DERA: variants seen among roughly 807,000 people sequenced by gnomAD.
DERA encodes 2-deoxy-D-ribose 5-phosphate aldolase.
In DERA, 15 loss-of-function variants were observed where a neutral mutation model predicts 41.1. The observed-to-expected ratio is 0.37, with a 90% CI of 0.24 to 0.56. DERA has a LOEUF of 0.56. Among genes scored for constraint, DERA ranks in the 20% least tolerant of loss-of-function variants. DERA has a pLI of 0.81. For synonymous variants in DERA, 139 were observed against 137.4 expected (o/e 1.01, Z -0.08); for missense variants, 396 against 403.4 (o/e 0.98, Z 0.16).
chr12:15,915,334 A>T lies in DERA; in HGVS notation c.31+3920A>T, dbSNP rs1229734843. Reference sequence around the variant, plus strand: ...GAACCTATGAATTAGGGATTTAGGGAGCTCATTTTTGGCATTCCTGCTAAA... The same window carrying T: ...GAACCTATGAATTAGGGATTTAGGGTGCTCATTTTTGGCATTCCTGCTAAA... On this transcript the variant is annotated intron_variant, in intron 1 of 8. Coordinates refer to ENST00000428559, the MANE Select transcript of DERA (RefSeq NM_015954.4). The surrounding 1 kb of genome is among the most constrained non-coding windows in gnomAD (Gnocchi z 4.8). Among the ~76,000 whole-genome samples, 2 of 152,124 alleles carry T rather than the reference A, an allele frequency of 1.3e-5. No homozygotes were observed. The highest frequency in any genetic ancestry group is 4.1e-4 in the South Asian group (2 of 4,826).
rs1948754901 is a variant in DERA at position 15,984,983 on chromosome 12, T to A, written c.637+2547T>A. Among the ~76,000 whole-genome samples, 1 of 152,230 alleles carries A rather than the reference T, an allele frequency of 6.6e-6. No homozygotes were observed. Among genetic ancestry groups the A allele is most frequent in the Admixed American group, 6.5e-5 (1 of 15,284 alleles). On this transcript the variant is annotated intron_variant, in intron 6 of 8. Coordinates refer to ENST00000428559, the MANE Select transcript of DERA (RefSeq NM_015954.4). The surrounding 1 kb of genome is among the most constrained non-coding windows in gnomAD (Gnocchi z 4.5). Reference sequence around the variant, plus strand: ...GTGGTATAAAAAATTTTTTCTTAAATCAATTTCATTGAGGCAGATTTGCAT... The same window carrying A: ...GTGGTATAAAAAATTTTTTCTTAAAACAATTTCATTGAGGCAGATTTGCAT...
In DERA at chr12:15,988,581, G is replaced by A. The variant is rs1047582997; in HGVS notation, c.637+6145G>A. Among the ~76,000 whole-genome samples, 1 of 152,080 alleles carries A rather than the reference G, an allele frequency of 6.6e-6. No homozygotes were observed. Reference sequence around the variant, plus strand: ...AGTGCATGCTGATTGGTCCATGGGCGGCCATGGATGGGCCTGGAAAAAGCA... The same window carrying A: ...AGTGCATGCTGATTGGTCCATGGGCAGCCATGGATGGGCCTGGAAAAAGCA... On this transcript the variant is annotated intron_variant, in intron 6 of 8. Coordinates refer to ENST00000428559, the MANE Select transcript of DERA (RefSeq NM_015954.4). The surrounding 1 kb of genome is among the most constrained non-coding windows in gnomAD (Gnocchi z 6.0).
intron 5 of DERA, among the ~76,000 whole-genome samples, chr12:15,980,838 C>T (rs1264336356): frequency 1.3e-5 from 2 of 152,180 alleles, no homozygotes; most frequent in Non-Finnish European, 2.9e-5. Context: ...TTTTTCACTT[C>T]TGAGCTTCAA....
intron 6 of DERA, among the ~76,000 whole-genome samples, chr12:16,005,214 T>C (rs1948901028): frequency 6.6e-6 from 1 of 151,826 alleles, no homozygotes; most frequent in Non-Finnish European, 1.5e-5. Flanking sequence ...GAGGCTGAGG[T>C]GGGAGGATCG....
Position 15,976,424 on chromosome 12 carries a change from T to C in DERA, c.509-5884T>C, listed in dbSNP as rs145064368. On this transcript the variant is annotated intron_variant, in intron 5 of 8. Transcript: ENST00000428559. The surrounding 1 kb of genome is among the most constrained non-coding windows in gnomAD (Gnocchi z 4.1). ...CGTCCCCCTCACCTCGCCTCCATCATGTTGCCATGATGTAGCAACATGCAG... is the reference window on the plus strand; with the variant it reads ...CGTCCCCCTCACCTCGCCTCCATCACGTTGCCATGATGTAGCAACATGCAG... 0.016 allele frequency among the ~76,000 whole-genome samples: 2,397 copies of C among 152,220 alleles called. 157 individuals carry two copies. Among genetic ancestry groups the C allele is most frequent in the Admixed American group, 0.12 (1,759 of 15,288 alleles).
At chr12:15,948,034 A>G (rs1490595136) in intron 1 of DERA, among the ~76,000 whole-genome samples, 1 of 152,214 alleles carries the variant, frequency 6.6e-6, no homozygotes, top group Non-Finnish European at 1.5e-5. Context: ...ATTGGCCCCC[A>G]TTCTCTTCAG....
chr12:15,963,592 C>A (rs900425624), intron 5 of DERA, among the ~76,000 whole-genome samples: 1 of 151,932 alleles, frequency 6.6e-6, no homozygotes, highest in African/African-American at 2.4e-5. Context: ...ATTTTGTGTA[C>A]TAAAGATGAG....
In DERA at chr12:15,960,951, T is replaced by G. The variant is rs139054239; in HGVS notation, c.373+1027T>G. Among the ~76,000 whole-genome samples the G allele has an allele frequency of 1.3e-3, 191 of 151,924 alleles. 1 individual carries two copies. Among genetic ancestry groups the G allele is most frequent in the African/African-American group, 4.5e-3 (188 of 41,428 alleles). On this transcript the variant is annotated intron_variant, in intron 4 of 8. Coordinates refer to ENST00000428559, the MANE Select transcript of DERA (RefSeq NM_015954.4). ...CAGGGCAAAGGGGGAGATACAGGAG[T>G]TGAAGCTAGAGAGGGAGATCAGGGC...
At position 15,928,053 on chromosome 12, in the gene DERA, T is replaced by C. The variant is rs1171051194; in HGVS notation, c.31+16639T>C. 6.6e-6 allele frequency among the ~76,000 whole-genome samples: 1 copy of C among 152,242 alleles called. No homozygotes were observed. The highest frequency in any genetic ancestry group is 2.4e-5 in the African/African-American group (1 of 41,464). ...AATTATCTATTTAGGGGATACAATG[T>C]AATATTTTGATACATGTATACAATG... On this transcript the variant is annotated intron_variant, in intron 1 of 8. Coordinates refer to ENST00000428559, the MANE Select transcript of DERA (RefSeq NM_015954.4). The surrounding 1 kb of genome is among the most constrained non-coding windows in gnomAD (Gnocchi z 4.6).
rs11838283 is a variant in DERA at position 15,998,394 on chromosome 12, G to A, written c.637+15958G>A. On this transcript the variant is annotated intron_variant, in intron 6 of 8. Transcript: ENST00000428559. This position sits in a 1 kb window ranked among gnomAD's most constrained non-coding sequence, Gnocchi z 4.8. ...GTGCAATGGCCGGATCTTGGCTCAC[G>A]GCAACCTCCGCCTTCCGGGTTCAAG... is the stretch of plus-strand genomic sequence containing the variant. Among the ~76,000 whole-genome samples, 9,913 of 151,900 alleles carry A rather than the reference G, an allele frequency of 0.065. 1,040 individuals carry two copies. The highest frequency in any genetic ancestry group is 0.22 in the African/African-American group (9,127 of 41,370).
chr12:15,998,064 G>C lies in DERA; in HGVS notation c.637+15628G>C, dbSNP rs1555157061. 2.6e-5 allele frequency among the ~76,000 whole-genome samples: 4 copies of C among 152,142 alleles called. No individual in the cohort carries two copies. Among genetic ancestry groups the C allele is most frequent in the Non-Finnish European group, 5.9e-5 (4 of 68,030 alleles). ...GACAAATAACTAAAGTCAAAACACAGAGTCTAGAACAAGGTTCTCAACCTG... is the reference window on the plus strand; with the variant it reads ...GACAAATAACTAAAGTCAAAACACACAGTCTAGAACAAGGTTCTCAACCTG... On this transcript the variant is annotated intron_variant, in intron 6 of 8. Transcript: ENST00000428559. This position sits in a 1 kb window ranked among gnomAD's most constrained non-coding sequence, Gnocchi z 4.8.
At chr12:15,912,685 G>T (rs1373202365) in intron 1 of DERA, among the ~76,000 whole-genome samples, 1 of 152,160 alleles carries the variant, frequency 6.6e-6, no homozygotes, top group Admixed American at 6.5e-5. Flanking sequence ...TTAGTATATG[G>T]AGTTATGGTT....
rs960027937 is a variant in DERA, at chr12:15,996,948, A to T, written c.637+14512A>T. On this transcript the variant is annotated intron_variant, in intron 6 of 8. Coordinates refer to ENST00000428559, the MANE Select transcript of DERA (RefSeq NM_015954.4). This position sits in a 1 kb window ranked among gnomAD's most constrained non-coding sequence, Gnocchi z 4.7. ...GGGAGATTAATGACTAAAATAAAGA[A>T]TGAGGCATTAGGAGATAAATTTGCT... Among the ~76,000 whole-genome samples the T allele has an allele frequency of 5.9e-5, 9 of 152,214 alleles. No homozygotes were observed. Among genetic ancestry groups the T allele is most frequent in the Non-Finnish European group, 1.2e-4 (8 of 68,022 alleles).
Position 15,946,284 on chromosome 12 carries a change from A to C in DERA, c.32-10652A>C, listed in dbSNP as rs547964316. Among the ~76,000 whole-genome samples, 10 of 152,256 alleles carry C rather than the reference A, an allele frequency of 6.6e-5. No homozygotes were observed. In the South Asian group the frequency reaches 2.1e-3, roughly 32 times the overall value. ...GATTCCCTCTTTTTCTATTGATTGG[A>C]ATAGTTTCAGAAGGAATGCTACCAG... is the stretch of plus-strand genomic sequence containing the variant. On this transcript the variant is annotated intron_variant, in intron 1 of 8. Coordinates refer to ENST00000428559, the MANE Select transcript of DERA (RefSeq NM_015954.4).
Position 16,036,525 on chromosome 12 carries a change from C to A in DERA, c.900+144C>A. 1 of 1,139,004 alleles carries A rather than the reference C, an allele frequency of 8.8e-7. No individual in the cohort carries two copies. The highest frequency in any genetic ancestry group is 1.2e-6 in the Non-Finnish European group (1 of 813,314). The allele number at this position is 1,139,004 out of a possible 1,614,324, so 70.6% of individuals were successfully genotyped here. A position where few individuals can be genotyped will look rare whatever the true frequency, so the allele number is the denominator to read the frequency against. On this transcript the variant is annotated intron_variant, in intron 8 of 8. Transcript: ENST00000428559. The surrounding 1 kb of genome is among the most constrained non-coding windows in gnomAD (Gnocchi z 4.9). ...CCTCTACCTTTTCTTCCAAGCAAAC[C>A]GCCATCAGAAGTGAGTAGGGTGGAG...
In DERA at chr12:15,988,573, C is replaced by T. The variant is rs1227915452; in HGVS notation, c.637+6137C>T. The stretch of plus-strand genomic sequence containing the variant: ...ATGAAGGAAGTGCATGCTGATTGGT[C>T]CATGGGCGGCCATGGATGGGCCTGG... On this transcript the variant is annotated intron_variant, in intron 6 of 8. Transcript: ENST00000428559. This position sits in a 1 kb window ranked among gnomAD's most constrained non-coding sequence, Gnocchi z 6.0. Among the ~76,000 whole-genome samples, 1 of 152,056 alleles carries T rather than the reference C, an allele frequency of 6.6e-6. No homozygotes were observed. Among genetic ancestry groups the T allele is most frequent in the African/African-American group, 2.4e-5 (1 of 41,410 alleles).
intron 6 of DERA, among the ~76,000 whole-genome samples, chr12:16,027,828 C>T (rs1028678325): frequency 4.6e-5 from 7 of 152,066 alleles, no homozygotes; most frequent in Non-Finnish European, 7.4e-5. Context: ...GTAGAAAATC[C>T]CCCCAAATCA....
chr12:15,979,440 C>T (rs1948718971), intron 5 of DERA, among the ~76,000 whole-genome samples: 1 of 152,216 alleles, frequency 6.6e-6, no homozygotes, highest in Admixed American at 6.5e-5. Context: ...CTTTGCCTCA[C>T]TCTTTAAGAT....
chr12:15,964,386 T>C (rs1948609249), intron 5 of DERA, among the ~76,000 whole-genome samples: 1 of 152,186 alleles, frequency 6.6e-6, no homozygotes, highest in Non-Finnish European at 1.5e-5. Context: ...AGTTCCCCAT[T>C]AATACTCATC....
Sources: gnomAD v4.1 joint callset for allele counts (sites outside exome capture counted in the v4.1 genomes callset) on GRCh38, gnomAD v4.1.1 for gene constraint, Gnocchi (gnomAD v3.1) non-coding constraint, MANE v1.5 for transcripts, NCBI Gene and HGNC (gene_info 2026-07-23, HGNC 2026-07-21) for gene names.